The following WNK1 variants were observed in gnomAD, a reference collection of about 807,000 sequenced individuals.
The protein encoded by WNK1 is WNK lysine deficient protein kinase 1.
In WNK1, 38 loss-of-function variants were observed where a neutral mutation model predicts 222.8. The ratio of observed to expected loss-of-function variants is 0.17; its 90% CI spans 0.13 to 0.22. The LOEUF (loss-of-function observed/expected upper bound fraction) is 0.22. Among genes scored for constraint, WNK1 ranks in the 10% least tolerant of loss-of-function variants. WNK1 has a pLI of 1.00. For missense variants in WNK1, 2,348 were observed against 2,918.4 expected, an observed-to-expected ratio of 0.80 and a Z score of 4.50; for synonymous variants, 1,090 against 1,092.9, an observed-to-expected ratio of 1.00 and a Z score of 0.05.
At chr12:788,801 T>A (rs1278213394) in intron 1 of WNK1, among the ~76,000 whole-genome samples, 3 of 151,260 alleles carry the variant, frequency 2.0e-5, no homozygotes, top group African/African-American at 7.3e-5. Context: ...GGAGGAGAAT[T>A]GCTTGAACCC....
intron 26 of WNK1, among the ~76,000 whole-genome samples, chr12:905,251 G>A (rs10849583): frequency 0.25 from 37,658 of 152,036 alleles, 4,729 homozygotes; most frequent in Middle Eastern, 0.3. Flanking sequence ...TTTCTTAGGA[G>A]TTAATTTCTG....
intron 1 of WNK1, among the ~76,000 whole-genome samples, chr12:800,854 A>T (rs938387686): frequency 6.6e-6 from 1 of 152,150 alleles, no homozygotes; most frequent in African/African-American, 2.4e-5. Context: ...TTTCCTGCCT[A>T]CCCAAGGGTA....
At chr12:841,573 G>T in intron 4 of WNK1, among the ~76,000 whole-genome samples, 1 of 152,024 alleles carries the variant, frequency 6.6e-6, no homozygotes. Context: ...CTCTATAGCT[G>T]CCTCTTAATC....
intron 1 of WNK1, among the ~76,000 whole-genome samples, chr12:766,202 A>G (rs753428267): frequency 6.6e-6 from 1 of 152,234 alleles, no homozygotes; most frequent in Non-Finnish European, 1.5e-5. Context: ...ACCATTATGC[A>G]GTATATCCAT....
At chr12:757,764 G>C (rs189884679) in intron 1 of WNK1, among the ~76,000 whole-genome samples, 1 of 147,390 alleles carries the variant, frequency 6.8e-6, no homozygotes, top group African/African-American at 2.4e-5. Context: ...GGAGCCGGGT[G>C]CGGTGGCTCA....
intron 1 of WNK1, among the ~76,000 whole-genome samples, chr12:775,424 G>T (rs1248043065): frequency 1.3e-5 from 2 of 152,146 alleles, no homozygotes; most frequent in East Asian, 3.8e-4. Context: ...AGGGCCTAAC[G>T]TAAAGTTTGA....
intron 4 of WNK1, among the ~76,000 whole-genome samples, chr12:837,604 A>G (rs972705421): frequency 1.3e-5 from 2 of 151,498 alleles, no homozygotes; most frequent in African/African-American, 4.8e-5. Flanking sequence ...AAAAGAAAAG[A>G]AAAAAGATAG....
At chr12:793,550 A>G (rs1355914418) in intron 1 of WNK1, among the ~76,000 whole-genome samples, 1 of 152,156 alleles carries the variant, frequency 6.6e-6, no homozygotes, top group Non-Finnish European at 1.5e-5. Context: ...ATAGAGATTC[A>G]TATTGGGTGA....
In WNK1 at chr12:889,184, A is replaced by G. The variant is rs760294868; in HGVS notation, c.5409A>G (p.Thr1803=). The G allele has an allele frequency of 1.2e-6, 2 of 1,614,128 alleles. No homozygotes were observed. The highest frequency in any genetic ancestry group is 2.2e-5 in the East Asian group (1 of 44,864). ...LEDLDAQLRR[T]LSPEMITVTS... is the part of the protein sequence containing the mutation. ...ATCTTGATGCTCAATTGAGAAGAAC[A>G]CTTAGTCCAGAGATGATCACAGTGA... Residue 1803 remains threonine (T), a synonymous_variant, in exon 21 of 28, where the codon ACA becomes ACG. Coordinates refer to ENST00000315939, the MANE Select transcript of WNK1 (RefSeq NM_018979.4).
At chr12:878,459 T>C (rs1017607964) in intron 10 of WNK1, 98 bp downstream of exon 10, 1 of 1,351,330 alleles carries the variant, frequency 7.4e-7, no homozygotes, top group Admixed American at 2.1e-5. Context: ...GTGGATAGAC[T>C]TCTACCTTTT....
intron 1 of WNK1, among the ~76,000 whole-genome samples, chr12:777,305 G>T (rs1943226993): frequency 1.3e-5 from 2 of 151,708 alleles, no homozygotes; most frequent in South Asian, 4.2e-4. Flanking sequence ...GACTACAGGT[G>T]CACGCCACCA....
At chr12:892,222 C>A (rs1325830074) in intron 22 of WNK1, among the ~76,000 whole-genome samples, 2 of 151,960 alleles carry the variant, frequency 1.3e-5, no homozygotes, top group African/African-American at 2.4e-5. Flanking sequence ...GCCATCCCTC[C>A]CCCGTCCCAA....
chr12:860,081 G>T (rs934182161), intron 6 of WNK1, among the ~76,000 whole-genome samples: 1 of 152,164 alleles, frequency 6.6e-6, no homozygotes, highest in Non-Finnish European at 1.5e-5. Context: ...GAGATAGATA[G>T]GTAGAACTAG....
chr12:827,894 A>AT lies in WNK1; in HGVS notation c.1153+633dup, dbSNP rs75046503. 0.56 allele frequency among the ~76,000 whole-genome samples: 85,149 copies of AT among 151,952 alleles called. 24,330 individuals are homozygous for AT. Among genetic ancestry groups the AT allele is most frequent in the East Asian group, 0.81 (4,212 of 5,182 alleles). On this transcript the variant is annotated intron_variant, in intron 3 of 27. Transcript: ENST00000315939. This position sits in a 1 kb window ranked among gnomAD's most constrained non-coding sequence, Gnocchi z 4.6. Reference sequence around the variant, plus strand: ...ACACTATTTATTTAATACATACAGTATGTCACTTCATGAAAGAAATGGAAT... The same window carrying AT: ...ACACTATTTATTTAATACATACAGTATTGTCACTTCATGAAAGAAATGGAAT...
At chr12:778,567 C>G (rs1169736255) in intron 1 of WNK1, among the ~76,000 whole-genome samples, 1 of 151,602 alleles carries the variant, frequency 6.6e-6, no homozygotes, top group Non-Finnish European at 1.5e-5. Context: ...CTGACCTCAA[C>G]TGATCCACCT....
At chr12:888,150 T>G (rs1953853032) in intron 20 of WNK1, among the ~76,000 whole-genome samples, 1 of 152,196 alleles carries the variant, frequency 6.6e-6, no homozygotes, top group Non-Finnish European at 1.5e-5. Flanking sequence ...TTGAATCATA[T>G]ATAAGAAATA....
Position 887,297 on chromosome 12 carries a change from T to C in WNK1, c.5357T>C (p.Leu1786Pro), listed in dbSNP as rs1392306472. ...EQLPPFPGPS[L>P]TQSQQPLEDL... The stretch of plus-strand genomic sequence containing the variant: ...CTGCCACCTTTTCCAGGACCTTCTC[T>C]AACCCAGGTGCCTCAAGACTTGACA... The change falls in exon 20 of 28, where the codon CTA becomes CCA. Residue 1786 changes from leucine to proline, a missense_variant. Transcript: ENST00000315939. 5.6e-6 allele frequency: 9 copies of C among 1,614,234 alleles called. No individual in the cohort carries two copies. The South Asian group carries it at 7.7e-5, about 14-fold the overall frequency.
At chr12:776,583 A>G (rs1262559621) in intron 1 of WNK1, among the ~76,000 whole-genome samples, 2 of 152,006 alleles carry the variant, frequency 1.3e-5, no homozygotes, top group East Asian at 1.9e-4. Flanking sequence ...GGTGCGTGCC[A>G]CCGTGCCTGG....
chr12:882,832 C>A, intron 14 of WNK1, 111 bp from the exon 15 acceptor site: 1 of 754,016 alleles, frequency 1.3e-6, no homozygotes, highest in Non-Finnish European at 2.4e-6. Flanking sequence ...ACAGCGATAA[C>A]ACTATGCTTC....
Sources: allele counts gnomAD v4.1 joint callset (sites outside exome capture counted in the v4.1 genomes callset), GRCh38; gene constraint gnomAD v4.1.1; non-coding constraint Gnocchi (gnomAD v3.1); transcripts MANE v1.5; gene names NCBI Gene and HGNC (gene_info 2026-07-23, HGNC 2026-07-21).